Variants in DOC2A observed in about 807,000 individuals in gnomAD.
DOC2A encodes double C2 domain alpha.
A neutral mutation model predicts 40.6 loss-of-function variants in DOC2A; 28 were observed. That is an observed-to-expected ratio of 0.69 (90% CI 0.51 to 0.95). The LOEUF (loss-of-function observed/expected upper bound fraction) is 0.95. Ranked by LOEUF, DOC2A falls within the 40% of genes least tolerant of loss-of-function variation. The probability of loss-of-function intolerance (pLI) is 0.00; values close to 1 mark genes in which losing one functional copy is unlikely to be tolerated. For synonymous variants in DOC2A, 241 were observed against 236.9 expected, an observed-to-expected ratio of 1.02 and a Z score of -0.16; for missense variants, 474 against 552.5, an observed-to-expected ratio of 0.86 and a Z score of 1.42.
At chr16:30,019,671 C>T (rs2070891178) in intron 1 of DOC2A, among the ~76,000 whole-genome samples, 2 of 152,188 alleles carry the variant, frequency 1.3e-5, no homozygotes, top group South Asian at 4.1e-4. Context: ...GTCCCTTCTC[C>T]CAGCTAACCT....
chr16:30,016,565 T>G (rs560738018), upstream of DOC2A, among the ~76,000 whole-genome samples: 1 of 152,272 alleles, frequency 6.6e-6, no homozygotes, highest in Non-Finnish European at 1.5e-5. Context: ...CTTCCCACGG[T>G]GCTTGCTCAA....
rs1298014383 is a variant in DOC2A, at chr16:30,010,350, G to A, written c.-13-115C>T. 4 of 1,420,388 alleles carry A rather than the reference G, an allele frequency of 2.8e-6. No individual in the cohort carries two copies. Among genetic ancestry groups the A allele is most frequent in the Non-Finnish European group, 2.9e-6 (3 of 1,022,814 alleles). The allele number at this position is 1,420,388 out of a possible 1,614,324, so 88.0% of individuals were successfully genotyped here. ...TCACTGGCCTCCCTTCCTAGGTGTC[G>A]AGGGAGAGGGTGGTGTGTGCCAGCC... is the stretch of plus-strand genomic sequence containing the variant. On this transcript the variant is annotated intron_variant, in intron 1 of 10. Coordinates refer to ENST00000350119, the MANE Select transcript of DOC2A (RefSeq NM_003586.3). The surrounding 1 kb of genome is among the most constrained non-coding windows in gnomAD (Gnocchi z 4.2).
Position 30,005,882 on chromosome 16 carries a change from A to AGCG in DOC2A, c.*301_*303dup. 1 of 493,966 alleles carries AGCG rather than the reference A, an allele frequency of 2.0e-6. No homozygotes were observed. The highest frequency in any genetic ancestry group is 3.7e-5 in the East Asian group (1 of 26,788). The allele number at this position is 493,966 out of a possible 1,614,324, so 30.6% of individuals were successfully genotyped here. A position where few individuals can be genotyped will look rare whatever the true frequency, so the allele number is the denominator to read the frequency against. On this transcript the variant is annotated 3_prime_UTR_variant, in exon 11 of 11. Transcript: ENST00000350119. ...CCCTGTTGGGGGAGAGGGACGGGGC[A>AGCG]GCGTGGAGAGGCAGGAGTGAGGAGC...
upstream of DOC2A, among the ~76,000 whole-genome samples, chr16:30,021,878 C>G (rs1048958191): frequency 5.9e-5 from 9 of 152,152 alleles, no homozygotes; most frequent in South Asian, 2.1e-4. Context: ...GAACCCCCCC[C>G]CCAGGAAGTG....
At chr16:30,018,771 G>A (rs56329348) in intron 1 of DOC2A, 3,827 of 152,280 alleles carry the variant, frequency 0.025, 67 homozygotes, top group Middle Eastern at 0.045. Flanking sequence ...TTAAAGCCAC[G>A]AGTATGGATG....
In DOC2A at chr16:30,010,229, C is replaced by T. The variant is rs2070742621; in HGVS notation, c.-7G>A. On this transcript the variant is annotated 5_prime_UTR_variant, in exon 2 of 11. It adds an upstream start codon to the 5' untranslated region. Transcript: ENST00000350119. This position sits in a 1 kb window ranked among gnomAD's most constrained non-coding sequence, Gnocchi z 4.2. ...CGCCCCTGCGGCCCCTCATGCAGCACCCCTGGCTAGGAGAGGGCGTGTGAG... is the reference window on the plus strand; with the variant it reads ...CGCCCCTGCGGCCCCTCATGCAGCATCCCTGGCTAGGAGAGGGCGTGTGAG... 1 of 1,613,548 alleles carries T rather than the reference C, an allele frequency of 6.2e-7. No individual in the cohort carries two copies. The highest frequency in any genetic ancestry group is 1.3e-5 in the African/African-American group (1 of 75,058).
At position 30,010,339 on chromosome 16, in the gene DOC2A, TC is replaced by T. The variant is rs1472216016; in HGVS notation, c.-13-105del. On this transcript the variant is annotated intron_variant, in intron 1 of 10. Coordinates refer to ENST00000350119, the MANE Select transcript of DOC2A (RefSeq NM_003586.3). This position sits in a 1 kb window ranked among gnomAD's most constrained non-coding sequence, Gnocchi z 4.2. ...CTGTGGGGCCCTCACTGGCCTCCCTTCCTAGGTGTCGAGGGAGAGGGTGGTG... is the reference window on the plus strand; with the variant it reads ...CTGTGGGGCCCTCACTGGCCTCCCTTCTAGGTGTCGAGGGAGAGGGTGGTG... 1.3e-6 allele frequency: 2 copies of T among 1,486,840 alleles called. No homozygotes were observed. Among genetic ancestry groups the T allele is most frequent in the Admixed American group, 1.7e-5 (1 of 59,442 alleles). 92.1% of individuals were successfully genotyped at this position (1,486,840 alleles called of 1,614,324 possible).
In DOC2A at chr16:30,005,910, G is replaced by A. The variant is rs916275547; in HGVS notation, c.*276C>T. 30 of 535,224 alleles carry A rather than the reference G, an allele frequency of 5.6e-5. No individual in the cohort carries two copies. The highest frequency in any genetic ancestry group is 4.9e-4 in the Middle Eastern group (1 of 2,046). The allele number at this position is 535,224 out of a possible 1,614,324, so 33.2% of individuals were successfully genotyped here. ...GTGGAGAGGCAGGAGTGAGGAGCGC[G>A]GGGGCCTGGGGCCGGGCTCTGAGCA... On this transcript the variant is annotated 3_prime_UTR_variant, in exon 11 of 11. Transcript: ENST00000350119.
intron 1 of DOC2A, among the ~76,000 whole-genome samples, chr16:30,020,476 G>T (rs1405754655): frequency 1.3e-5 from 2 of 152,094 alleles, no homozygotes; most frequent in African/African-American, 4.8e-5. Context: ...GGAGGCCAGG[G>T]TGGGAGAATC....
chr16:30,007,714 A>G (rs1429216529), intron 5 of DOC2A: 4 of 305,110 alleles, frequency 1.3e-5, no homozygotes, highest in Non-Finnish European at 2.6e-5. Flanking sequence ...TGCAGCAGAG[A>G]GCCAGCCCCG....
chr16:30,007,270 C>T lies in DOC2A; in HGVS notation c.557G>A (p.Ser186Asn). 6.2e-7 allele frequency: 1 copy of T among 1,614,026 alleles called. No homozygotes were observed. The highest frequency in any genetic ancestry group is 8.5e-7 in the Non-Finnish European group (1 of 1,180,030). Reference sequence around the variant, plus strand: ...GATCTCCCCAATAAACTCATTGTGACTCAGCTTGTCCTCATCACAGACGGC... The same window carrying T: ...GATCTCCCCAATAAACTCATTGTGATTCAGCTTGTCCTCATCACAGACGGC... ...RIAVCDEDKLSHNEFIGEIRV... is the reference protein window; with the variant it reads ...RIAVCDEDKLNHNEFIGEIRV... The change falls in exon 6 of 11, where the codon AGT becomes AAT. Residue 186 changes from serine to asparagine, a missense_variant. By Grantham distance (46) the Ser-to-Asn change is conservative. Transcript: ENST00000350119.
Position 30,009,948 on chromosome 16 carries a change from C to T in DOC2A, c.262+13G>A, listed in dbSNP as rs2150956650. The T allele has an allele frequency of 6.2e-7, 1 of 1,610,954 alleles. No homozygotes were observed. Among genetic ancestry groups the T allele is most frequent in the Non-Finnish European group, 8.5e-7 (1 of 1,179,630 alleles). On this transcript the variant is annotated intron_variant, in intron 2 of 10. Coordinates refer to ENST00000350119, the MANE Select transcript of DOC2A (RefSeq NM_003586.3). The surrounding 1 kb of genome is among the most constrained non-coding windows in gnomAD (Gnocchi z 4.1). ...CCCACCAGCACATGGGGCCTCCAAG[C>T]CCCCAGACTCACTGGCATCATCCGA...
Position 30,009,963 on chromosome 16 carries a change from G to A in DOC2A, c.260C>T (p.Ala87Val). The A allele has an allele frequency of 6.2e-7, 1 of 1,611,274 alleles. No homozygotes were observed. Among genetic ancestry groups the A allele is most frequent in the Non-Finnish European group, 8.5e-7 (1 of 1,179,734 alleles). ...AEVDSYDSDD[A>V]TALGTLEFDL... Reference sequence around the variant, plus strand: ...GGCCTCCAAGCCCCCAGACTCACTGGCATCATCCGAGTCATAGCTGTCCAC... The same window carrying A: ...GGCCTCCAAGCCCCCAGACTCACTGACATCATCCGAGTCATAGCTGTCCAC... The change falls in exon 2 of 11, where the codon GCC (alanine) becomes GTC (valine). Residue 87 changes from alanine to valine, a missense_variant and splice_region_variant. Coordinates refer to ENST00000350119, the MANE Select transcript of DOC2A (RefSeq NM_003586.3). The surrounding 1 kb of genome is among the most constrained non-coding windows in gnomAD (Gnocchi z 4.1).
In DOC2A at chr16:30,009,729, A is replaced by G. The variant is rs1301339797; in HGVS notation, c.263-172T>C. Among the ~76,000 whole-genome samples, 4 of 152,100 alleles carry G rather than the reference A, an allele frequency of 2.6e-5. No individual in the cohort carries two copies. Among genetic ancestry groups the G allele is most frequent in the Non-Finnish European group, 5.9e-5 (4 of 68,002 alleles). ...CGTCTGGGTCCCTGGCTCGGCCGCA[A>G]CTGGGGCTGTGTGGGTGGTGGAGTG... On this transcript the variant is annotated intron_variant, in intron 2 of 10. Transcript: ENST00000350119. The surrounding 1 kb of genome is among the most constrained non-coding windows in gnomAD (Gnocchi z 4.1).
At chr16:30,016,111 A>ATGCAGTGGCACGATCTTGGCTCAC (rs1298781705), upstream of DOC2A, among the ~76,000 whole-genome samples, 1 of 131,686 alleles carries the variant, frequency 7.6e-6, no homozygotes, top group African/African-American at 3.0e-5. Context: ...CCAGGCTGGA[A>ATGCAGTGGCACGATCTTGGCTCAC]TGCAGTGGCA....
intron 5 of DOC2A, chr16:30,008,205 A>G (rs1294786731): frequency 6.5e-6 from 1 of 152,926 alleles, no homozygotes; most frequent in Non-Finnish European, 1.5e-5. Flanking sequence ...TCCATCTCCT[A>G]GGATGACGGA....
chr16:30,009,299 G>A lies in DOC2A; in HGVS notation c.343-23C>T, dbSNP rs759950090. The A allele has an allele frequency of 3.2e-6, 5 of 1,549,412 alleles. No homozygotes were observed. The highest frequency in any genetic ancestry group is 3.5e-6 in the Non-Finnish European group (4 of 1,145,200). On this transcript the variant is annotated intron_variant, in intron 3 of 10. Transcript: ENST00000350119. The surrounding 1 kb of genome is among the most constrained non-coding windows in gnomAD (Gnocchi z 4.1). ...GCCCTGGAGAGGAGGGCAGGGGAGAGGGCTAGAGGCTCCCGGCACCTCTCT... is the reference window on the plus strand; with the variant it reads ...GCCCTGGAGAGGAGGGCAGGGGAGAAGGCTAGAGGCTCCCGGCACCTCTCT...
rs1488999574 is a variant in DOC2A, at chr16:30,005,635, G to A, written c.*551C>T. ...GGCAGGGGCCCTGCCTTCAAACCCC[G>A]GCCCCCTCCAGGGGACAGTTATTTA... On this transcript the variant is annotated 3_prime_UTR_variant, in exon 11 of 11. Coordinates refer to ENST00000350119, the MANE Select transcript of DOC2A (RefSeq NM_003586.3). The A allele has an allele frequency of 2.4e-5, 15 of 612,320 alleles. 1 individual carries two copies. The highest frequency in any genetic ancestry group is 1.0e-4 in the South Asian group (5 of 49,826). 37.9% of individuals were successfully genotyped at this position (612,320 alleles called of 1,614,324 possible).
upstream of DOC2A, among the ~76,000 whole-genome samples, chr16:30,016,055 ATTT>A (rs59271933): frequency 2.6e-3 from 43 of 16,858 alleles, no homozygotes; most frequent in African/African-American, 0.011. Context: ...ATATATATAT[ATTT>A]TTTTTTTTTT....
Sources: gnomAD v4.1 joint callset for allele counts (sites outside exome capture counted in the v4.1 genomes callset) on GRCh38, gnomAD v4.1.1 for gene constraint, Gnocchi (gnomAD v3.1) non-coding constraint, MANE v1.5 for transcripts, NCBI Gene and HGNC (gene_info 2026-07-23, HGNC 2026-07-21) for gene names.